Variants in PANK2 observed in about 807,000 individuals in gnomAD.
PANK2 encodes the protein pantothenate kinase 2.
In PANK2, 36 loss-of-function variants were observed where a neutral mutation model predicts 43.1. The ratio of observed to expected loss-of-function variants is 0.84; its 90% CI spans 0.64 to 1.10. The LOEUF is 1.10. Ranked by LOEUF, PANK2 falls within the 50% of genes least tolerant of loss-of-function variation. PANK2 has a pLI of 0.00. For synonymous variants in PANK2, 281 were observed against 238.2 expected (o/e 1.18, Z -1.66); for missense variants, 576 against 593.3 (o/e 0.97, Z 0.30).
intron 1 of PANK2, 24 bp downstream of exon 1, chr20:3,889,752 C>CCCGGCCCGCCCTGCCCCCCCTT (rs749026178): frequency 9.0e-6 from 14 of 1,550,708 alleles, no homozygotes; most frequent in Admixed American, 8.5e-5. Context: ...GGGGCGCCCT[C>CCCGGCCCGCCCTGCCCCCCCTT]CCGGCCCGCC....
At chr20:3,910,863 T>C (rs748127884) in intron 3 of PANK2, 33 bp downstream of exon 3, 2 of 1,613,196 alleles carry the variant, frequency 1.2e-6, no homozygotes, top group Non-Finnish European at 1.7e-6. Flanking sequence ...TGTTTATTCT[T>C]AGTATCCTAA....
chr20:3,892,063 C>T lies in PANK2; in HGVS notation c.298+2335C>T, dbSNP rs543583365. 4.6e-5 allele frequency among the ~76,000 whole-genome samples: 7 copies of T among 152,274 alleles called. No individual in the cohort carries two copies. In the South Asian group the frequency reaches 1.5e-3, roughly 32 times the overall value. ...GTTAGGTGGAGAAGCAGGCTGGGCG[C>T]AGTGGCTCATGCCTGTAATCCCAGC... is the stretch of plus-strand genomic sequence containing the variant. On this transcript the variant is annotated intron_variant, in intron 1 of 6. Transcript: ENST00000610179.
chr20:3,918,226 C>CT (rs1378631974), intron 5 of PANK2, among the ~76,000 whole-genome samples: 3 of 151,588 alleles, frequency 2.0e-5, no homozygotes, highest in Non-Finnish European at 4.4e-5. Flanking sequence ...ATTTCAGTTG[C>CT]TTTTTTTTGC....
At chr20:3,888,945 C>T, upstream of PANK2, 16 of 572,234 alleles carry the variant, frequency 2.8e-5, no homozygotes, top group South Asian at 1.1e-4. Flanking sequence ...CGACGACCAG[C>T]GGCCAGACGC....
At chr20:3,893,461 CAA>C (rs1429389865) in intron 1 of PANK2, among the ~76,000 whole-genome samples, 2 of 152,088 alleles carry the variant, frequency 1.3e-5, no homozygotes, top group Non-Finnish European at 2.9e-5. Flanking sequence ...ACTCATGTAA[CAA>C]GAGAACATAC....
chr20:3,896,984 TGTG>T (rs2090219742), intron 1 of PANK2, among the ~76,000 whole-genome samples: 1 of 152,072 alleles, frequency 6.6e-6, no homozygotes, highest in African/African-American at 2.4e-5. Flanking sequence ...CTGGCAGAGG[TGTG>T]GTGGAGGAGC....
Position 3,912,617 on chromosome 20 carries a change from C to T in PANK2, c.1065C>T (p.Gly355=), listed in dbSNP as rs564606657. 1 of 1,613,794 alleles carries T rather than the reference C, an allele frequency of 6.2e-7. No individual in the cohort carries two copies. The highest frequency in any genetic ancestry group is 8.5e-7 in the Non-Finnish European group (1 of 1,179,984). Residue 355 remains glycine, a synonymous_variant, in exon 4 of 7, where the codon GGC becomes GGT. Transcript: ENST00000610179. Reference sequence around the variant, plus strand: ...ACTATGAGAGGTTTGGACTGCCAGGCTGGGCTGTGGCTTCAAGGTAAGGGG... The same window carrying T: ...ACTATGAGAGGTTTGGACTGCCAGGTTGGGCTGTGGCTTCAAGGTAAGGGG...
At chr20:3,917,604 G>T (rs2090583096) in intron 5 of PANK2, 1 of 506,500 alleles carries the variant, frequency 2.0e-6, no homozygotes, top group Admixed American at 2.0e-5. Context: ...AGAGGATCTA[G>T]GATCCAGTTG....
At position 3,896,779 on chromosome 20, in the gene PANK2, C is replaced by G. The variant is rs936767360; in HGVS notation, c.298+7051C>G. 7.2e-5 allele frequency among the ~76,000 whole-genome samples: 11 copies of G among 152,260 alleles called. 1 individual carries two copies. The South Asian group carries it at 1.9e-3, about 26-fold the overall frequency. The stretch of plus-strand genomic sequence containing the variant: ...GCCCGAGAGCACAGAAGTTCCGTGT[C>G]CCTCCCCTATACTGTGTACTATGCG... On this transcript the variant is annotated intron_variant, in intron 1 of 6. Transcript: ENST00000610179.
At chr20:3,891,156 C>G (rs1238584417) in intron 1 of PANK2, 1 of 152,132 alleles carries the variant, frequency 6.6e-6, no homozygotes, top group Non-Finnish European at 1.5e-5. Context: ...CTCAAGCCAT[C>G]CTCCTGCTTC....
intron 6 of PANK2, among the ~76,000 whole-genome samples, chr20:3,922,705 G>C (rs969483686): frequency 3.3e-5 from 5 of 151,978 alleles, no homozygotes; most frequent in African/African-American, 9.7e-5. Context: ...CGGGGATGCT[G>C]CCCCCTCCTG....
rs1378593209 is a variant in PANK2 at position 3,910,623 on chromosome 20, T to A, written c.698T>A (p.Ile233Asn). 6.2e-7 allele frequency: 1 copy of A among 1,614,058 alleles called. No homozygotes were observed. The highest frequency in any genetic ancestry group is 8.5e-7 in the Non-Finnish European group (1 of 1,180,032). Residue 233 changes from isoleucine (I) to asparagine (N), a missense_variant, in exon 3 of 7, where the codon ATC becomes AAC. Ile to Asn is a moderately radical substitution (Grantham distance 149). Coordinates refer to ENST00000610179, the MANE Select transcript of PANK2 (RefSeq NM_001386393.1). Reference sequence around the variant, plus strand: ...AAACTGGATGAACTAGATTGCTTGATCAAAGGAATTTTATACATTGACTCA... The same window carrying A: ...AAACTGGATGAACTAGATTGCTTGAACAAAGGAATTTTATACATTGACTCA...
intron 6 of PANK2, among the ~76,000 whole-genome samples, chr20:3,922,661 C>T (rs2090664195): frequency 6.6e-6 from 1 of 152,044 alleles, no homozygotes; most frequent in African/African-American, 2.4e-5. Flanking sequence ...ACCGGCCTTG[C>T]TCTCCACACC....
intron 5 of PANK2, among the ~76,000 whole-genome samples, chr20:3,918,319 T>C (rs775473744): frequency 2.3e-4 from 35 of 152,252 alleles, no homozygotes; most frequent in Non-Finnish European, 3.1e-4. Flanking sequence ...GCTTGTATAC[T>C]TTGCCTGTTT....
At chr20:3,889,965 T>A in intron 1 of PANK2, 1 of 1,500,232 alleles carries the variant, frequency 6.7e-7, no homozygotes, top group Non-Finnish European at 8.9e-7. Flanking sequence ...AGTGGAGGGC[T>A]TTTCCCCAGG....
chr20:3,910,210 G>A (rs927649407), intron 2 of PANK2, among the ~76,000 whole-genome samples: 6 of 152,048 alleles, frequency 3.9e-5, no homozygotes, highest in Admixed American at 2.6e-4. Flanking sequence ...GTTTCTGATA[G>A]TGCTGTGGCC....
intron 5 of PANK2, 39 bp downstream of exon 5, chr20:3,917,089 A>C (rs779408232): frequency 4.3e-6 from 7 of 1,612,234 alleles, no homozygotes; most frequent in Non-Finnish European, 5.9e-6. Context: ...TCTAAGGAAA[A>C]TACTGAACTT....
chr20:3,889,923 G>T (rs1464843768), intron 1 of PANK2, 195 bp downstream of exon 1: 1 of 1,531,316 alleles, frequency 6.5e-7, no homozygotes, highest in Non-Finnish European at 8.7e-7. Context: ...GGGCCCCCCC[G>T]CACCCATTGG....
intron 5 of PANK2, 121 bp downstream of exon 5, chr20:3,917,171 A>AACTTCGT: frequency 1.5e-6 from 2 of 1,310,604 alleles, no homozygotes; most frequent in Non-Finnish European, 2.2e-6. Flanking sequence ...GGTTTGTTTT[A>AACTTCGT]GCACGAAGTT....
Sources: allele counts gnomAD v4.1 joint callset (sites outside exome capture counted in the v4.1 genomes callset), GRCh38; gene constraint gnomAD v4.1.1; transcripts MANE v1.5; gene names NCBI Gene and HGNC (gene_info 2026-07-23, HGNC 2026-07-21).